ADGRL3: variants seen among roughly 807,000 people sequenced by gnomAD.
ADGRL3 encodes adhesion G protein-coupled receptor L3.
ADGRL3 carries 62 observed loss-of-function variants against 153.5 expected under a neutral mutation model. The observed-to-expected ratio is 0.40, with a 90% CI of 0.33 to 0.50. The LOEUF (loss-of-function observed/expected upper bound fraction) is 0.50, where lower values mean the gene tolerates loss of function less well. Among genes scored for constraint, ADGRL3 ranks in the 20% least tolerant of loss-of-function variants. ADGRL3 has a pLI of 0.47. For synonymous variants in ADGRL3, 710 were observed against 672.5 expected, an observed-to-expected ratio of 1.06 and a Z score of -0.86; for missense variants, 1,641 against 1,859.4, an observed-to-expected ratio of 0.88 and a Z score of 2.16.
chr4:61,363,333 C>T (rs1207283013), intron 1 of ADGRL3, among the ~76,000 whole-genome samples: 1 of 139,532 alleles, frequency 7.2e-6, no homozygotes, highest in Non-Finnish European at 1.6e-5. Flanking sequence ...GAAGTAAAAG[C>T]CGGTAATTTT....
chr4:61,344,906 C>T (rs1423054265), intron 1 of ADGRL3, among the ~76,000 whole-genome samples: 1 of 151,830 alleles, frequency 6.6e-6, no homozygotes, highest in East Asian at 1.9e-4. Context: ...CTTGCCTCTG[C>T]CTCCCGAGTA....
At chr4:61,713,102 A>C (rs1424825958) in intron 6 of ADGRL3, among the ~76,000 whole-genome samples, 1 of 152,178 alleles carries the variant, frequency 6.6e-6, no homozygotes. Context: ...TAATTATGTA[A>C]ATATTAATGC....
intron 2 of ADGRL3, among the ~76,000 whole-genome samples, chr4:61,435,046 G>A (rs534439084): frequency 6.6e-6 from 1 of 152,170 alleles, no homozygotes; most frequent in African/African-American, 2.4e-5. Context: ...ATTTATGGTA[G>A]ATGATATTGA....
At chr4:61,638,490 G>A (rs1238792497) in intron 5 of ADGRL3, among the ~76,000 whole-genome samples, 3 of 151,936 alleles carry the variant, frequency 2.0e-5, no homozygotes, top group African/African-American at 7.3e-5. Flanking sequence ...TTTGTTTTTG[G>A]TATGTAATTT....
chr4:61,699,731 TA>T (rs2095713117), intron 6 of ADGRL3, among the ~76,000 whole-genome samples: 1 of 152,192 alleles, frequency 6.6e-6, no homozygotes, highest in African/African-American at 2.4e-5. Context: ...TAATTAATTC[TA>T]GAAATCCTAT....
At chr4:61,453,937 T>TTA (rs964766703) in intron 2 of ADGRL3, among the ~76,000 whole-genome samples, 7 of 152,060 alleles carry the variant, frequency 4.6e-5, no homozygotes, top group African/African-American at 1.7e-4. Context: ...AATTTTAATA[T>TTA]TATATATATA....
chr4:61,601,876 G>GTC (rs912851988), intron 5 of ADGRL3, among the ~76,000 whole-genome samples: 12 of 152,064 alleles, frequency 7.9e-5, no homozygotes, highest in Non-Finnish European at 1.5e-4. Flanking sequence ...CTATACTTAG[G>GTC]TATTTCCATC....
At chr4:61,915,833 C>T (rs915723011) in intron 13 of ADGRL3, among the ~76,000 whole-genome samples, 4 of 151,838 alleles carry the variant, frequency 2.6e-5, no homozygotes, top group East Asian at 1.9e-4. Flanking sequence ...GAGCTACCTA[C>T]GAAATAGGTG....
intron 1 of ADGRL3, among the ~76,000 whole-genome samples, chr4:61,264,413 T>C (rs890153749): frequency 2.5e-4 from 38 of 152,014 alleles, no homozygotes; most frequent in African/African-American, 8.9e-4. Context: ...TTTAGGTTTT[T>C]CTCAAAGTGA....
At position 61,419,910 on chromosome 4, in the gene ADGRL3, C is replaced by T. The variant is rs78649655; in HGVS notation, c.-174+36721C>T. On this transcript the variant is annotated intron_variant, in intron 2 of 26. Transcript: ENST00000683033. ...CCGGGTTTGAGTGATTCTGCTACCA[C>T]AGCCTCCCCAGTAGCTGGGATTACA... 1.5e-4 allele frequency among the ~76,000 whole-genome samples: 23 copies of T among 151,948 alleles called. No homozygotes were observed. In the South Asian group the frequency reaches 3.9e-3, roughly 26 times the overall value.
intron 2 of ADGRL3, among the ~76,000 whole-genome samples, chr4:61,443,167 T>C (rs2097545201): frequency 6.6e-6 from 1 of 152,174 alleles, no homozygotes; most frequent in Admixed American, 6.5e-5. Flanking sequence ...ATTTAGTCCT[T>C]GTTTTATGCA....
At chr4:61,479,073 T>G (rs1370438900) in intron 2 of ADGRL3, among the ~76,000 whole-genome samples, 1 of 152,064 alleles carries the variant, frequency 6.6e-6, no homozygotes, top group Non-Finnish European at 1.5e-5. Flanking sequence ...TTTTCCTTTT[T>G]TTCCCCTTCT....
chr4:61,346,308 T>TACACACAC (rs10693257), intron 1 of ADGRL3, among the ~76,000 whole-genome samples: 15,229 of 144,464 alleles, frequency 0.11, 875 homozygotes, highest in South Asian at 0.14. Flanking sequence ...TGTCACAGTC[T>TACACACAC]ACACACACAC....
chr4:61,363,502 C>G (rs180735705), intron 1 of ADGRL3, among the ~76,000 whole-genome samples: 76 of 152,208 alleles, frequency 5.0e-4, no homozygotes, highest in African/African-American at 1.7e-3. Context: ...ATGCTTATTT[C>G]TCTCCTTTTT....
intron 2 of ADGRL3, among the ~76,000 whole-genome samples, chr4:61,390,140 A>T (rs889289763): frequency 8.5e-5 from 13 of 152,184 alleles, no homozygotes; most frequent in Admixed American, 8.5e-4. Flanking sequence ...TAATTTTAAA[A>T]TTTAGTTATT....
rs565132457 is a variant in ADGRL3, at chr4:61,994,842, A to G, written c.3237-1449A>G. 2.1e-4 allele frequency among the ~76,000 whole-genome samples: 32 copies of G among 151,532 alleles called. 1 individual carries two copies. In the South Asian group the frequency reaches 6.3e-3, roughly 30 times the overall value. On this transcript the variant is annotated intron_variant, in intron 19 of 26. Transcript: ENST00000683033. ...GTGTGTGTATGTTTAACATGTATAT[A>G]TACACACTATATTATATATACATTT...
Position 62,011,655 on chromosome 4 carries a change from C to T in ADGRL3, c.3395+13390C>T, listed in dbSNP as rs550859525. 3.3e-5 allele frequency among the ~76,000 whole-genome samples: 5 copies of T among 152,132 alleles called. No individual in the cohort carries two copies. In the South Asian group the frequency reaches 8.3e-4, roughly 25 times the overall value. Reference sequence around the variant, plus strand: ...ATATTTTAGCGTAGTATGTCTGGATCTGTATCAAATAAATCTCTTTCTAAT... The same window carrying T: ...ATATTTTAGCGTAGTATGTCTGGATTTGTATCAAATAAATCTCTTTCTAAT... On this transcript the variant is annotated intron_variant, in intron 21 of 26. Coordinates refer to ENST00000683033, the MANE Select transcript of ADGRL3 (RefSeq NM_001387552.1).
chr4:61,671,376 G>T (rs545300151), intron 5 of ADGRL3, among the ~76,000 whole-genome samples: 1 of 151,954 alleles, frequency 6.6e-6, no homozygotes, highest in South Asian at 2.1e-4. Flanking sequence ...CTTCTATGAC[G>T]GTCATCATAT....
chr4:61,821,228 G>A (rs1470560443), intron 9 of ADGRL3, among the ~76,000 whole-genome samples: 2 of 146,100 alleles, frequency 1.4e-5, no homozygotes, highest in South Asian at 2.2e-4. Context: ...TCTAAAAAAT[G>A]CCCTCCTAAT....
Sources: allele counts gnomAD v4.1 joint callset (sites outside exome capture counted in the v4.1 genomes callset), GRCh38; gene constraint gnomAD v4.1.1; transcripts MANE v1.5; gene names NCBI Gene and HGNC (gene_info 2026-07-23, HGNC 2026-07-21).